Variants in MYO1E observed in about 807,000 individuals in gnomAD.
MYO1E encodes the protein myosin IE.
Under a neutral mutation model 151.1 loss-of-function variants are expected in MYO1E, and 68 were observed. That is an observed-to-expected ratio of 0.45 (90% confidence interval 0.37 to 0.55). The LOEUF is 0.55. Among genes scored for constraint, MYO1E ranks in the 20% least tolerant of loss-of-function variants. The pLI, the probability that MYO1E is intolerant of heterozygous loss-of-function variation, is 0.00. For missense variants in MYO1E, 1,363 were observed against 1,389.3 expected (o/e 0.98, Z 0.30); for synonymous variants, 601 against 501.7 (o/e 1.20, Z -2.64).
intron 1 of MYO1E, among the ~76,000 whole-genome samples, chr15:59,297,642 T>TGATC (rs1454047201): frequency 6.6e-6 from 1 of 151,688 alleles, no homozygotes; most frequent in Admixed American, 6.6e-5. Flanking sequence ...AGTACAGTGG[T>TGATC]GCGATGAGGG....
At chr15:59,268,718 G>GTTTTTTTTTTTTTTTT (rs1452818863) in intron 2 of MYO1E, among the ~76,000 whole-genome samples, 14 of 12,050 alleles carry the variant, frequency 1.2e-3, no homozygotes, top group East Asian at 6.1e-3. Flanking sequence ...GGTGACTTTG[G>GTTTTTTTTTTTTTTTT]TATTTTTTTT....
At chr15:59,252,289 G>C (rs570849328) in intron 4 of MYO1E, among the ~76,000 whole-genome samples, 3 of 152,178 alleles carry the variant, frequency 2.0e-5, no homozygotes, top group Admixed American at 1.3e-4. Context: ...CCATTAAAAT[G>C]AACCAAGGCC....
chr15:59,256,302 TTCTC>T lies in MYO1E; in HGVS notation c.310_313del (p.Glu104ThrfsTer22). On this transcript the variant is annotated frameshift_variant, in exon 4 of 28. Coordinates refer to ENST00000288235, the MANE Select transcript of MYO1E (RefSeq NM_004998.4). LOFTEE classifies it high-confidence loss of function. ...TTCATACCTGATAATGACGCACTGG[TTCTC>T]TCTGTCAATGATCATGTTTCTGTAC... is the stretch of plus-strand genomic sequence containing the variant. 7 of 1,606,608 alleles carry T rather than the reference TTCTC, an allele frequency of 4.4e-6. No homozygotes were observed. The highest frequency in any genetic ancestry group is 6.0e-6 in the Non-Finnish European group (7 of 1,173,334).
At chr15:59,330,824 A>C (rs2140422863) in intron 1 of MYO1E, among the ~76,000 whole-genome samples, 1 of 152,262 alleles carries the variant, frequency 6.6e-6, no homozygotes, top group Middle Eastern at 3.4e-3. Context: ...GCTGAAGTGC[A>C]GTGGTGCAAT....
At chr15:59,178,299 GAAGA>G (rs2140319813) in intron 19 of MYO1E, 90 bp downstream of exon 19, 1 of 1,481,498 alleles carries the variant, frequency 6.7e-7, no homozygotes, top group East Asian at 2.3e-5. Flanking sequence ...GGCATGAAGC[GAAGA>G]ATGAGAAAAA....
intron 2 of MYO1E, among the ~76,000 whole-genome samples, chr15:59,262,812 T>C (rs1327807932): frequency 6.6e-6 from 1 of 152,168 alleles, no homozygotes; most frequent in Non-Finnish European, 1.5e-5. Flanking sequence ...ATTTTACACA[T>C]TTTAATATAT....
At chr15:59,241,129 C>T (rs1455337254) in intron 4 of MYO1E, among the ~76,000 whole-genome samples, 3 of 152,110 alleles carry the variant, frequency 2.0e-5, no homozygotes, top group African/African-American at 7.2e-5. Flanking sequence ...TGTATGTGTA[C>T]TTGTGTGTAT....
chr15:59,271,099 G>C (rs1297619479), intron 2 of MYO1E: 3 of 152,096 alleles, frequency 2.0e-5, no homozygotes, highest in Non-Finnish European at 2.9e-5. Context: ...AAATGCCTTG[G>C]AATAATGCTG....
rs1012887882 is a variant in MYO1E, at chr15:59,249,375, A to C, written c.332+6909T>G. Among the ~76,000 whole-genome samples the C allele has an allele frequency of 2.0e-5, 3 of 151,156 alleles. No homozygotes were observed. In the East Asian group the frequency reaches 5.9e-4, roughly 30 times the overall value. ...GGGAGGCAGAGGTTGCAGTGAGCTG[A>C]GATCACGCCATTGCACTCCAGCCTG... On this transcript the variant is annotated intron_variant, in intron 4 of 27. Transcript: ENST00000288235.
intron 1 of MYO1E, among the ~76,000 whole-genome samples, chr15:59,367,817 T>C (rs889339715): frequency 6.6e-6 from 1 of 152,068 alleles, no homozygotes; most frequent in African/African-American, 2.4e-5. Context: ...GATGATCAAA[T>C]CACATATAAA....
At chr15:59,164,162 G>A (rs2079552363) in intron 22 of MYO1E, among the ~76,000 whole-genome samples, 1 of 152,146 alleles carries the variant, frequency 6.6e-6, no homozygotes. Context: ...GCCTGGCTAG[G>A]CTTGGTAGAA....
At position 59,182,663 on chromosome 15, in the gene MYO1E, G is replaced by C. The variant is rs553543155; in HGVS notation, c.1905-4126C>G. Among the ~76,000 whole-genome samples the C allele has an allele frequency of 5.5e-4, 84 of 152,312 alleles. 2 individuals are homozygous for C. In the Middle Eastern group the frequency reaches 0.037, roughly 68 times the overall value. On this transcript the variant is annotated intron_variant, in intron 18 of 27. Transcript: ENST00000288235. ...CAAGGATACAAGCATTTCAGTGGAA[G>C]TTCCTCAACATAAAAGGAATAACAA...
intron 4 of MYO1E, among the ~76,000 whole-genome samples, chr15:59,247,818 G>A (rs1411381845): frequency 6.6e-6 from 1 of 152,170 alleles, no homozygotes; most frequent in Non-Finnish European, 1.5e-5. Flanking sequence ...CTTATCCCTA[G>A]AAAGTTAAAT....
At chr15:59,198,502 G>A (rs1007682183) in intron 16 of MYO1E, among the ~76,000 whole-genome samples, 2 of 152,064 alleles carry the variant, frequency 1.3e-5, no homozygotes, top group African/African-American at 4.8e-5. Flanking sequence ...TTAATCTAGA[G>A]ATTGAAATAC....
intron 4 of MYO1E, among the ~76,000 whole-genome samples, chr15:59,239,003 C>T (rs977166123): frequency 2.7e-5 from 4 of 150,930 alleles, no homozygotes; most frequent in Non-Finnish European, 5.9e-5. Flanking sequence ...GTCAGGAGTT[C>T]GAGACCAGCC....
rs2079351044 is a variant in MYO1E, at chr15:59,132,439, T to A, written c.*4941A>T. 1 of 152,158 alleles carries A rather than the reference T, an allele frequency of 6.6e-6. No individual in the cohort carries two copies. The highest frequency in any genetic ancestry group is 2.4e-5 in the African/African-American group (1 of 41,442). 9.4% of individuals were successfully genotyped at this position (152,158 alleles called of 1,614,324 possible). A position where few individuals can be genotyped will look rare whatever the true frequency, so the allele number is the denominator to read the frequency against. On this transcript the variant is annotated 3_prime_UTR_variant, in exon 28 of 28. Transcript: ENST00000288235. The stretch of plus-strand genomic sequence containing the variant: ...CATATTCCAAAGACATTTTATAGCT[T>A]CCTTATTACATATTTTACTTAGTTA...
intron 23 of MYO1E, 105 bp from the exon 24 acceptor site, chr15:59,161,335 G>A (rs2140310763): frequency 2.3e-6 from 3 of 1,301,044 alleles, no homozygotes; most frequent in Non-Finnish European, 2.1e-6. Flanking sequence ...TAAACATGAG[G>A]CGAGAACGGA....
intron 4 of MYO1E, among the ~76,000 whole-genome samples, chr15:59,251,531 G>A (rs2080165034): frequency 6.6e-6 from 1 of 152,178 alleles, no homozygotes; most frequent in Non-Finnish European, 1.5e-5. Context: ...GTTTTTAGAT[G>A]ATGTTGAAAA....
intron 18 of MYO1E, among the ~76,000 whole-genome samples, chr15:59,182,000 TG>T (rs1235704639): frequency 2.9e-4 from 44 of 152,318 alleles, no homozygotes; most frequent in African/African-American, 9.6e-4. Flanking sequence ...GGATGAATTC[TG>T]CATGACCAAG....
Sources: gnomAD v4.1 joint callset for allele counts (sites outside exome capture counted in the v4.1 genomes callset) on GRCh38, gnomAD v4.1.1 for gene constraint, MANE v1.5 for transcripts, NCBI Gene and HGNC (gene_info 2026-07-23, HGNC 2026-07-21) for gene names.